ZNF92: variants seen among roughly 807,000 people sequenced by gnomAD.
ZNF92 encodes zinc finger protein 92.
ZNF92 carries 11 observed loss-of-function variants against 12.4 expected under a neutral mutation model. The ratio of observed to expected loss-of-function variants is 0.89; its 90% confidence interval spans 0.56 to 1.47. ZNF92 has a LOEUF of 1.47. Ranked by LOEUF, ZNF92 falls within the 40% of genes most tolerant of loss-of-function variation. ZNF92 has a pLI of 0.00. For synonymous variants in ZNF92, 206 were observed against 228.6 expected, an observed-to-expected ratio of 0.90 and a Z score of 0.89; for missense variants, 622 against 681.0, an observed-to-expected ratio of 0.91 and a Z score of 0.96.
chr7:65,400,524 CAG>C lies in ZNF92; in HGVS notation c.*651_*652del, dbSNP rs1216170183. The C allele has an allele frequency of 1.3e-5, 2 of 151,826 alleles. No homozygotes were observed. Among genetic ancestry groups the C allele is most frequent in the African/African-American group, 4.8e-5 (2 of 41,336 alleles). 9.4% of individuals were successfully genotyped at this position (151,826 alleles called of 1,614,324 possible). A position where few individuals can be genotyped will look rare whatever the true frequency, so the allele number is the denominator to read the frequency against. On this transcript the variant is annotated 3_prime_UTR_variant, in exon 4 of 4. Coordinates refer to ENST00000328747, the MANE Select transcript of ZNF92 (RefSeq NM_152626.4). ...TCCCAAATTAAGTCTATGTAAATAT[CAG>C]AATTCACAGTAGAAATCATAAGGCA...
chr7:65,377,598 A>C (rs1793280575), intron 1 of ZNF92, among the ~76,000 whole-genome samples: 2 of 151,292 alleles, frequency 1.3e-5, no homozygotes, highest in Non-Finnish European at 2.9e-5. Context: ...GCTGGAGTGC[A>C]CTGGCGCGAT....
intron 1 of ZNF92, among the ~76,000 whole-genome samples, chr7:65,378,173 CTG>C (rs1423544709): frequency 6.6e-6 from 1 of 151,174 alleles, no homozygotes; most frequent in African/African-American, 2.4e-5. Flanking sequence ...TGGCGGGCGA[CTG>C]TAATCCCAGT....
intron 1 of ZNF92, among the ~76,000 whole-genome samples, chr7:65,386,299 A>T (rs1793562723): frequency 6.6e-6 from 1 of 152,056 alleles, no homozygotes; most frequent in Non-Finnish European, 1.5e-5. Context: ...GATTACAGGC[A>T]TGAGCCACCG....
At chr7:65,384,406 C>T (rs969201424) in intron 1 of ZNF92, among the ~76,000 whole-genome samples, 2 of 152,198 alleles carry the variant, frequency 1.3e-5, no homozygotes, top group African/African-American at 2.4e-5. Flanking sequence ...TCTAGCCTTA[C>T]AGAACTGATT....
At chr7:65,380,027 A>G (rs771241444) in intron 1 of ZNF92, among the ~76,000 whole-genome samples, 11 of 151,714 alleles carry the variant, frequency 7.3e-5, no homozygotes, top group Non-Finnish European at 1.3e-4. Context: ...GCCACCCTCT[A>G]CCCTCAACTA....
chr7:65,385,008 T>C (rs1365042050), intron 1 of ZNF92, among the ~76,000 whole-genome samples: 1 of 152,162 alleles, frequency 6.6e-6, no homozygotes, highest in Admixed American at 6.5e-5. Flanking sequence ...ACAAAGAATA[T>C]ACTTTAGGAT....
At chr7:65,394,119 C>T (rs1325965913) in intron 3 of ZNF92, among the ~76,000 whole-genome samples, 1 of 152,000 alleles carries the variant, frequency 6.6e-6, no homozygotes, top group Non-Finnish European at 1.5e-5. Context: ...CTTTGTTGCT[C>T]ATGCATTAAT....
At chr7:65,388,757 A>G (rs755369846) in intron 2 of ZNF92, 49 bp from the exon 3 acceptor site, 2 of 1,464,426 alleles carry the variant, frequency 1.4e-6, no homozygotes, top group Non-Finnish European at 9.3e-7. Flanking sequence ...CTATGTTGGT[A>G]ATTGGAGAAT....
At chr7:65,389,559 C>T (rs1356831104) in intron 3 of ZNF92, among the ~76,000 whole-genome samples, 1 of 152,004 alleles carries the variant, frequency 6.6e-6, no homozygotes, top group African/African-American at 2.4e-5. Flanking sequence ...GCTCTGTCGC[C>T]AGGCTGGAGT....
rs764127412 is a variant in ZNF92, at chr7:65,398,739, G to A, written c.625G>A (p.Ala209Thr). ...TTACAAATGTGAAGAATGTGGTAAA[G>A]CCTTTAACTGGTCCTCAACCCTTAC... Reference protein sequence around the residue: ...YSYKCEECGKAFNWSSTLTKH... With the variant: ...YSYKCEECGKTFNWSSTLTKH... The change falls in exon 4 of 4, where the codon GCC becomes ACC. Residue 209 changes from alanine to threonine, a missense_variant. Physicochemically the swap from Ala to Thr is moderately conservative, Grantham distance 58 (BLOSUM62 0). Coordinates refer to ENST00000328747, the MANE Select transcript of ZNF92 (RefSeq NM_152626.4). 3.1e-6 allele frequency: 5 copies of A among 1,612,964 alleles called. No individual in the cohort carries two copies. Among genetic ancestry groups the A allele is most frequent in the South Asian group, 2.2e-5 (2 of 90,974 alleles).
chr7:65,381,889 T>C (rs1019936419), intron 1 of ZNF92, among the ~76,000 whole-genome samples: 3 of 152,126 alleles, frequency 2.0e-5, no homozygotes, highest in African/African-American at 7.2e-5. Context: ...CATTGGTCTC[T>C]GAGCCTGTTT....
intron 3 of ZNF92, among the ~76,000 whole-genome samples, chr7:65,391,090 C>T (rs1793697087): frequency 1.3e-5 from 2 of 152,236 alleles, no homozygotes; most frequent in East Asian, 3.9e-4. Flanking sequence ...CATTTCACAA[C>T]TCCCTCCCTG....
intron 1 of ZNF92, among the ~76,000 whole-genome samples, chr7:65,376,114 T>C (rs78725386): frequency 0.073 from 11,067 of 151,914 alleles, 569 homozygotes; most frequent in East Asian, 0.15. Flanking sequence ...GGTTTCACTC[T>C]GTTGCCCAGG....
Position 65,400,041 on chromosome 7 carries a change from G to A in ZNF92, c.*166G>A. On this transcript the variant is annotated 3_prime_UTR_variant, in exon 4 of 4. Transcript: ENST00000328747. ...AAAATCCTCCAAGTATGAAGAATGTGGCAAACTTTTAACCAATCCTCACAC... is the reference window on the plus strand; with the variant it reads ...AAAATCCTCCAAGTATGAAGAATGTAGCAAACTTTTAACCAATCCTCACAC... The A allele has an allele frequency of 4.8e-6, 3 of 624,976 alleles. No individual in the cohort carries two copies. The South Asian group carries it at 8.9e-5, about 18-fold the overall frequency. 38.7% of individuals were successfully genotyped at this position (624,976 alleles called of 1,614,324 possible). A position where few individuals can be genotyped will look rare whatever the true frequency, so the allele number is the denominator to read the frequency against.
intron 1 of ZNF92, among the ~76,000 whole-genome samples, chr7:65,385,392 T>A (rs567001041): frequency 6.6e-6 from 1 of 152,270 alleles, no homozygotes; most frequent in South Asian, 2.1e-4. Context: ...AACATCCATA[T>A]TGCTTTAAGG....
intron 2 of ZNF92, chr7:65,388,371 G>T: frequency 5.3e-6 from 1 of 190,078 alleles, no homozygotes; most frequent in Non-Finnish European, 1.0e-5. Flanking sequence ...GGGCGTGGTG[G>T]CTCATGCCTG....
chr7:65,387,274 A>G (rs1459771563), intron 1 of ZNF92, among the ~76,000 whole-genome samples: 2 of 152,094 alleles, frequency 1.3e-5, no homozygotes, highest in Admixed American at 6.6e-5. Flanking sequence ...GCTGATGTGC[A>G]TAAACCATTA....
chr7:65,398,365 A>G lies in ZNF92; in HGVS notation c.251A>G (p.Asp84Gly), dbSNP rs375110220. 3.8e-5 allele frequency: 59 copies of G among 1,560,004 alleles called. No individual in the cohort carries two copies. Among genetic ancestry groups the G allele is most frequent in the Admixed American group, 6.2e-5 (3 of 48,348 alleles). ...TPVMCSHFAQ[D>G]VWPEHSIKDS... ...GTTATGTGTTCTCATTTTGCCCAAG[A>G]TGTTTGGCCAGAGCACAGCATAAAA... The change falls in exon 4 of 4, where the codon GAT becomes GGT. Residue 84 changes from aspartate to glycine, a missense_variant. Coordinates refer to ENST00000328747, the MANE Select transcript of ZNF92 (RefSeq NM_152626.4).
At chr7:65,379,830 CTT>C (rs1249407895) in intron 1 of ZNF92, among the ~76,000 whole-genome samples, 1 of 152,092 alleles carries the variant, frequency 6.6e-6, no homozygotes, top group East Asian at 1.9e-4. Flanking sequence ...ACAAACCAGT[CTT>C]TCCATCTACA....
Sources: gnomAD v4.1 joint callset for allele counts (sites outside exome capture counted in the v4.1 genomes callset) on GRCh38, gnomAD v4.1.1 for gene constraint, MANE v1.5 for transcripts, NCBI Gene and HGNC (gene_info 2026-07-23, HGNC 2026-07-21) for gene names.